CNTNAP5: variants seen among roughly 807,000 people sequenced by gnomAD.
CNTNAP5 encodes contactin associated protein family member 5, also known as contactin-associated protein-like 5.
In CNTNAP5, 72 loss-of-function variants were observed where a neutral mutation model predicts 150.2. The observed-to-expected ratio is 0.48, with a 90% CI of 0.40 to 0.58. CNTNAP5 has a LOEUF of 0.58. Ranked by LOEUF, CNTNAP5 falls within the 20% of genes least tolerant of loss-of-function variation. The pLI, the probability that CNTNAP5 is intolerant of heterozygous loss-of-function variation, is 0.00. For synonymous variants in CNTNAP5, 672 were observed against 619.8 expected, an observed-to-expected ratio of 1.08 and a Z score of -1.25; for missense variants, 1,636 against 1,626.2, an observed-to-expected ratio of 1.01 and a Z score of -0.10.
At chr2:124,677,489 C>A (rs1678969981) in intron 13 of CNTNAP5, among the ~76,000 whole-genome samples, 1 of 152,200 alleles carries the variant, frequency 6.6e-6, no homozygotes, top group African/African-American at 2.4e-5. Flanking sequence ...CCACATCCTG[C>A]TGATTGGTCC....
chr2:124,630,959 G>A (rs1031857210), intron 12 of CNTNAP5, among the ~76,000 whole-genome samples: 1 of 152,092 alleles, frequency 6.6e-6, no homozygotes, highest in African/African-American at 2.4e-5. Flanking sequence ...AATCATGAAT[G>A]AGCTCCCATT....
At chr2:124,265,813 T>C (rs1457435240) in intron 3 of CNTNAP5, among the ~76,000 whole-genome samples, 3 of 150,160 alleles carry the variant, frequency 2.0e-5, no homozygotes, top group African/African-American at 7.3e-5. Context: ...GGCCTTCACG[T>C]TTCCATTTGC....
intron 1 of CNTNAP5, among the ~76,000 whole-genome samples, chr2:124,035,385 G>A (rs1198450176): frequency 1.8e-5 from 2 of 108,278 alleles, no homozygotes; most frequent in Non-Finnish European, 3.8e-5. Context: ...TCTTCCCCAT[G>A]TTCTTCTACT....
intron 13 of CNTNAP5, among the ~76,000 whole-genome samples, chr2:124,741,066 C>A (rs1178094887): frequency 1.3e-5 from 2 of 152,166 alleles, no homozygotes; most frequent in Non-Finnish European, 2.9e-5. Flanking sequence ...CAGCAAATTT[C>A]TTTTACTCCT....
At chr2:124,650,152 G>A (rs1352331134) in intron 13 of CNTNAP5, among the ~76,000 whole-genome samples, 3 of 152,152 alleles carry the variant, frequency 2.0e-5, no homozygotes, top group Admixed American at 2.0e-4. Flanking sequence ...CTTTCCCCAT[G>A]TGCTCTGAAT....
At chr2:124,213,113 C>T (rs965086127) in intron 1 of CNTNAP5, among the ~76,000 whole-genome samples, 2 of 152,080 alleles carry the variant, frequency 1.3e-5, no homozygotes, top group African/African-American at 4.8e-5. Flanking sequence ...GCTGGGATTA[C>T]AGGCGGGAGC....
chr2:124,639,794 G>A (rs1678051232), intron 12 of CNTNAP5, among the ~76,000 whole-genome samples: 1 of 152,112 alleles, frequency 6.6e-6, no homozygotes, highest in African/African-American at 2.4e-5. Context: ...GCTTTCTAAT[G>A]GCAATCAAAA....
chr2:124,702,944 C>T (rs1018261413), intron 13 of CNTNAP5, among the ~76,000 whole-genome samples: 1 of 152,092 alleles, frequency 6.6e-6, no homozygotes, highest in Non-Finnish European at 1.5e-5. Context: ...ATCTGATATG[C>T]TTATTTCAAC....
intron 21 of CNTNAP5, among the ~76,000 whole-genome samples, chr2:124,900,253 A>G (rs1297976278): frequency 6.6e-6 from 1 of 151,612 alleles, no homozygotes; most frequent in Non-Finnish European, 1.5e-5. Context: ...TTGCAGCTTT[A>G]AAAGTATTGT....
chr2:124,787,431 G>A (rs1681623116), intron 17 of CNTNAP5, among the ~76,000 whole-genome samples: 2 of 152,144 alleles, frequency 1.3e-5, no homozygotes, highest in Admixed American at 1.3e-4. Flanking sequence ...TGGCCTCCTG[G>A]CCTGCTTGGG....
intron 3 of CNTNAP5, 63 bp downstream of exon 3, chr2:124,242,456 T>C: frequency 7.1e-7 from 1 of 1,414,940 alleles, no homozygotes; most frequent in South Asian, 1.3e-5. Context: ...CCAGAGTATA[T>C]TTCCGTCATT....
At chr2:124,732,423 G>A (rs554792389) in intron 13 of CNTNAP5, among the ~76,000 whole-genome samples, 165 of 152,168 alleles carry the variant, frequency 1.1e-3, no homozygotes, top group African/African-American at 3.7e-3. Flanking sequence ...CTTTGGTGAG[G>A]GATCAGACCA....
intron 10 of CNTNAP5, among the ~76,000 whole-genome samples, chr2:124,537,620 C>G (rs1179075285): frequency 6.6e-6 from 1 of 151,988 alleles, no homozygotes; most frequent in East Asian, 1.9e-4. Context: ...CTGGAACTGC[C>G]CAGAAAAAGG....
intron 3 of CNTNAP5, among the ~76,000 whole-genome samples, chr2:124,388,677 C>A (rs138312136): frequency 1.3e-5 from 2 of 152,084 alleles, no homozygotes; most frequent in East Asian, 3.9e-4. Context: ...GCACCAAGCA[C>A]GGGGCCTTTT....
intron 11 of CNTNAP5, among the ~76,000 whole-genome samples, chr2:124,606,844 G>T (rs1573492721): frequency 6.6e-6 from 1 of 152,042 alleles, no homozygotes. Flanking sequence ...CTCGCACCAG[G>T]TTCCTCCCAC....
chr2:124,053,098 T>G (rs138838554), intron 1 of CNTNAP5, among the ~76,000 whole-genome samples: 2 of 149,506 alleles, frequency 1.3e-5, no homozygotes, highest in Admixed American at 1.3e-4. Context: ...TTTGTCCTCA[T>G]TTATTATTCA....
Position 124,509,132 on chromosome 2 carries a change from A to T in CNTNAP5, c.1327+4576A>T, listed in dbSNP as rs11890707. On this transcript the variant is annotated intron_variant, in intron 8 of 23. Coordinates refer to ENST00000682447, the MANE Select transcript of CNTNAP5 (RefSeq NM_001367498.1). ...TTCCTTTGGAAAGGGCAGTACAATG[A>T]TGCCTCACACCTTCAACCCTGTTCC... Among the ~76,000 whole-genome samples the T allele has an allele frequency of 1.6e-3, 237 of 152,324 alleles. 1 individual carries two copies. The highest frequency in any genetic ancestry group is 5.3e-3 in the African/African-American group (221 of 41,574).
intron 3 of CNTNAP5, among the ~76,000 whole-genome samples, chr2:124,269,533 G>C (rs78057160): frequency 6.6e-6 from 1 of 152,114 alleles, no homozygotes; most frequent in Non-Finnish European, 1.5e-5. Context: ...GCCTGCAATC[G>C]CTGGGAGAGA....
intron 3 of CNTNAP5, among the ~76,000 whole-genome samples, chr2:124,252,622 C>T (rs903790821): frequency 2.6e-5 from 4 of 152,106 alleles, no homozygotes; most frequent in Non-Finnish European, 5.9e-5. Flanking sequence ...TTTGAGTTCT[C>T]TTCTTGAAAT....
Sources: gnomAD v4.1 joint callset for allele counts (sites outside exome capture counted in the v4.1 genomes callset) on GRCh38, gnomAD v4.1.1 for gene constraint, MANE v1.5 for transcripts, NCBI Gene and HGNC (gene_info 2026-07-23, HGNC 2026-07-21) for gene names.